The following AGBL1 variants were observed in gnomAD, a reference collection of about 807,000 sequenced individuals.
AGBL1 encodes cytosolic carboxypeptidase 4.
A neutral mutation model predicts 118.9 loss-of-function variants in AGBL1; 130 were observed. The observed-to-expected ratio is 1.09, with a 90% CI of 0.95 to 1.26. The LOEUF (loss-of-function observed/expected upper bound fraction) is 1.26. Among genes scored for constraint, AGBL1 ranks in the 50% most tolerant of loss-of-function variants. The pLI, the probability that AGBL1 is intolerant of heterozygous loss-of-function variation, is 0.00. For synonymous variants in AGBL1, 555 were observed against 478.9 expected (o/e 1.16, Z -2.08); for missense variants, 1,584 against 1,298.1 (o/e 1.22, Z -3.38).
chr15:86,514,803 G>T (rs184393822), intron 18 of AGBL1, among the ~76,000 whole-genome samples: 1 of 152,120 alleles, frequency 6.6e-6, no homozygotes, highest in African/African-American at 2.4e-5. Flanking sequence ...CTTGCACAAA[G>T]GAATAAATGC....
chr15:86,278,179 C>T (rs1010964651), intron 15 of AGBL1, among the ~76,000 whole-genome samples: 3 of 152,166 alleles, frequency 2.0e-5, no homozygotes, highest in Admixed American at 6.5e-5. Flanking sequence ...TTAGCCATTG[C>T]GATCCATATC....
In AGBL1 at chr15:86,780,657, CT is replaced by C. The variant is rs71144066; in HGVS notation, c.3158+106235del. Among the ~76,000 whole-genome samples, 119 of 142,972 alleles carry C rather than the reference CT, an allele frequency of 8.3e-4. 1 individual carries two copies. The South Asian group carries it at 8.4e-3, about 10-fold the overall frequency. 93.8% of individuals were successfully genotyped at this position (142,972 alleles called of 152,430 possible). A position where few individuals can be genotyped will look rare whatever the true frequency, so the allele number is the denominator to read the frequency against. ...CAATTAATTGGGTCTTCTTTAACTTCTTTTTTTTTTTTTTCTTTTGGTGAGA... is the reference window on the plus strand; with the variant it reads ...CAATTAATTGGGTCTTCTTTAACTTCTTTTTTTTTTTTTCTTTTGGTGAGA... On this transcript the variant is annotated intron_variant, in intron 22 of 22. Coordinates refer to ENST00000614907, the MANE Select transcript of AGBL1 (RefSeq NM_001386094.1).
chr15:86,184,436 T>C (rs111571013), intron 5 of AGBL1, among the ~76,000 whole-genome samples: 8,571 of 147,990 alleles, frequency 0.058, 793 homozygotes, highest in African/African-American at 0.2. Flanking sequence ...TTTCTTTCTT[T>C]TTTTTTTTTT....
intron 17 of AGBL1, among the ~76,000 whole-genome samples, chr15:86,375,666 G>C (rs2081032883): frequency 6.6e-6 from 1 of 152,164 alleles, no homozygotes; most frequent in South Asian, 2.1e-4. Flanking sequence ...CGGCTGTGCT[G>C]ACCACATGAG....
chr15:86,241,000 A>T (rs2078633112), intron 6 of AGBL1, among the ~76,000 whole-genome samples: 1 of 152,186 alleles, frequency 6.6e-6, no homozygotes, highest in African/African-American at 2.4e-5. Flanking sequence ...ATACGTGTAC[A>T]TTTTGCCAGA....
intron 22 of AGBL1, among the ~76,000 whole-genome samples, chr15:86,839,353 CA>C (rs984440402): frequency 6.6e-6 from 1 of 152,182 alleles, no homozygotes; most frequent in Non-Finnish European, 1.5e-5. Context: ...ACTATTTCAT[CA>C]AATCCTATTC....
intron 17 of AGBL1, among the ~76,000 whole-genome samples, chr15:86,307,644 G>A (rs2079860557): frequency 6.6e-6 from 1 of 152,040 alleles, no homozygotes; most frequent in Non-Finnish European, 1.5e-5. Flanking sequence ...GCGTGTGCCT[G>A]TAGTCCCAAC....
chr15:86,656,063 A>G (rs1283071183), intron 21 of AGBL1, among the ~76,000 whole-genome samples: 1 of 152,224 alleles, frequency 6.6e-6, no homozygotes, highest in East Asian at 1.9e-4. Flanking sequence ...AGCATGAAGC[A>G]TGCTTCCAGG....
chr15:86,874,014 C>T (rs2079767914), intron 22 of AGBL1, among the ~76,000 whole-genome samples: 1 of 152,118 alleles, frequency 6.6e-6, no homozygotes, highest in African/African-American at 2.4e-5. Context: ...TATCTTTTCT[C>T]AGTTTTTAAA....
intron 16 of AGBL1, among the ~76,000 whole-genome samples, chr15:86,293,174 C>G (rs1003140423): frequency 6.6e-6 from 1 of 152,232 alleles, no homozygotes; most frequent in South Asian, 2.1e-4. Context: ...TTCTTTTTCC[C>G]TTGTATGTTA....
At chr15:86,891,593 C>A (rs1175941378) in intron 22 of AGBL1, among the ~76,000 whole-genome samples, 10 of 147,744 alleles carry the variant, frequency 6.8e-5, no homozygotes, top group African/African-American at 1.5e-4. Flanking sequence ...AAAAAAAAAA[C>A]AAGCAAGGGA....
At position 86,158,792 on chromosome 15, in the gene AGBL1, T is replaced by A. The variant is rs2077227318; in HGVS notation, c.395-141T>A. Reference sequence around the variant, plus strand: ...ACCCGAGAATGACATTATAGAGGAATGTGCAACCAGGGTGGAAAAGAAAGG... The same window carrying A: ...ACCCGAGAATGACATTATAGAGGAAAGTGCAACCAGGGTGGAAAAGAAAGG... On this transcript the variant is annotated intron_variant, in intron 4 of 22. Coordinates refer to ENST00000614907, the MANE Select transcript of AGBL1 (RefSeq NM_001386094.1). 3 of 654,380 alleles carry A rather than the reference T, an allele frequency of 4.6e-6. No individual in the cohort carries two copies. The African/African-American group carries it at 5.5e-5, about 12-fold the overall frequency. The allele number at this position is 654,380 out of a possible 1,614,324, so 40.5% of individuals were successfully genotyped here.
At chr15:86,658,842 C>G (rs2085498825) in intron 21 of AGBL1, among the ~76,000 whole-genome samples, 1 of 152,170 alleles carries the variant, frequency 6.6e-6, no homozygotes, top group Non-Finnish European at 1.5e-5. Context: ...CTAAGGAGAG[C>G]AATCCTCCAT....
At chr15:86,257,179 A>G (rs2078910649) in intron 8 of AGBL1, among the ~76,000 whole-genome samples, 161 bp downstream of exon 8, 5 of 152,256 alleles carry the variant, frequency 3.3e-5, no homozygotes, top group Admixed American at 3.3e-4. Context: ...TTTGATTTTC[A>G]TAAACAGGGT....
chr15:86,204,420 C>A (rs749985638), intron 5 of AGBL1, among the ~76,000 whole-genome samples: 49 of 152,106 alleles, frequency 3.2e-4, no homozygotes, highest in Non-Finnish European at 6.0e-4. Context: ...TGCAGAGCCC[C>A]CTACCTGTTA....
At chr15:86,202,734 T>C (rs966089335) in intron 5 of AGBL1, among the ~76,000 whole-genome samples, 5 of 152,204 alleles carry the variant, frequency 3.3e-5, no homozygotes, top group African/African-American at 1.2e-4. Context: ...GTCACCATAC[T>C]GGAAAAATTG....
intron 23 of AGBL1, among the ~76,000 whole-genome samples, chr15:86,957,266 T>G (rs1007057801): frequency 1.3e-5 from 2 of 152,250 alleles, no homozygotes; most frequent in Middle Eastern, 3.4e-3. Context: ...ACTAAAATCC[T>G]ACAGAAAATT....
At chr15:86,584,178 C>G (rs139568603) in intron 21 of AGBL1, among the ~76,000 whole-genome samples, 82 of 151,056 alleles carry the variant, frequency 5.4e-4, no homozygotes, top group African/African-American at 1.9e-3. Flanking sequence ...TGCAGAAGCT[C>G]TTCAGTTTAA....
chr15:86,615,000 G>A (rs925840244), intron 21 of AGBL1, among the ~76,000 whole-genome samples: 1 of 152,178 alleles, frequency 6.6e-6, no homozygotes, highest in African/African-American at 2.4e-5. Flanking sequence ...AAGAAAACTA[G>A]AATGGTGAGA....
Sources: gnomAD v4.1 joint callset for allele counts (sites outside exome capture counted in the v4.1 genomes callset) on GRCh38, gnomAD v4.1.1 for gene constraint, MANE v1.5 for transcripts, NCBI Gene and HGNC (gene_info 2026-07-23, HGNC 2026-07-21) for gene names.